JAKMIP1: variants seen among roughly 807,000 people sequenced by gnomAD.
The protein encoded by JAKMIP1 is janus kinase and microtubule-interacting protein 1.
In JAKMIP1, 33 loss-of-function variants were observed where a neutral mutation model predicts 113.0. The observed-to-expected ratio is 0.29, with a 90% confidence interval of 0.22 to 0.39. The LOEUF is 0.39. Ranked by LOEUF, JAKMIP1 falls within the 10% of genes least tolerant of loss-of-function variation. The probability of loss-of-function intolerance (pLI) is 1.00; values close to 1 mark genes in which losing one functional copy is unlikely to be tolerated. For missense variants in JAKMIP1, 813 were observed against 1,080.5 expected, an observed-to-expected ratio of 0.75 and a Z score of 3.47; for synonymous variants, 480 against 459.9, an observed-to-expected ratio of 1.04 and a Z score of -0.56.
rs1472841843 is a variant in JAKMIP1 at position 6,188,088 on chromosome 4, T to A, written c.-148+12165A>T. ...GCTAATTTTCAAATCTGTCATTTTT[T>A]TTTCTTTTTGGTTCCAGTAAATGGG... is the stretch of plus-strand genomic sequence containing the variant. On this transcript the variant is annotated intron_variant, in intron 1 of 20. Transcript: ENST00000409021. This position sits in a 1 kb window ranked among gnomAD's most constrained non-coding sequence, Gnocchi z 5.8. Among the ~76,000 whole-genome samples the A allele has an allele frequency of 6.6e-6, 1 of 152,234 alleles. No individual in the cohort carries two copies. The highest frequency in any genetic ancestry group is 1.9e-4 in the East Asian group (1 of 5,194).
At chr4:6,047,681 C>T (rs910229533) in intron 16 of JAKMIP1, among the ~76,000 whole-genome samples, 1 of 152,184 alleles carries the variant, frequency 6.6e-6, no homozygotes, top group Non-Finnish European at 1.5e-5. Flanking sequence ...TGAACAGATG[C>T]CCTGGGAAGG....
chr4:6,048,118 TA>T (rs1378236220), intron 16 of JAKMIP1, among the ~76,000 whole-genome samples: 1 of 152,138 alleles, frequency 6.6e-6, no homozygotes, highest in Non-Finnish European at 1.5e-5. Context: ...AGCACTGAAA[TA>T]AAAATTAAAA....
rs551526383 is a variant in JAKMIP1 at position 6,035,790 on chromosome 4, C to A, written c.2379+114G>T. 1.9e-5 allele frequency: 17 copies of A among 899,344 alleles called. No homozygotes were observed. The African/African-American group carries it at 2.3e-4, about 12-fold the overall frequency. The allele number at this position is 899,344 out of a possible 1,614,324, so 55.7% of individuals were successfully genotyped here. A position where few individuals can be genotyped will look rare whatever the true frequency, so the allele number is the denominator to read the frequency against. On this transcript the variant is annotated intron_variant, in intron 19 of 20. Coordinates refer to ENST00000409021, the MANE Select transcript of JAKMIP1 (RefSeq NM_001099433.2). The stretch of plus-strand genomic sequence containing the variant: ...TGCTTCTTGGAAACTTGCTTTACCA[C>A]CAACTCTCCCTGGAATGAGCCTGGG...
rs1308272241 is a variant in JAKMIP1 at position 6,093,174 on chromosome 4, T to C, written c.625-7545A>G. Among the ~76,000 whole-genome samples, 1 of 152,196 alleles carries C rather than the reference T, an allele frequency of 6.6e-6. No individual in the cohort carries two copies. Among genetic ancestry groups the C allele is most frequent in the Non-Finnish European group, 1.5e-5 (1 of 68,026 alleles). The stretch of plus-strand genomic sequence containing the variant: ...CTCACACCTCACTTCCTCTGTGAAA[T>C]GACTCCTGCATCTACCCACAGAAGT... On this transcript the variant is annotated intron_variant, in intron 3 of 20. Transcript: ENST00000409021. This position sits in a 1 kb window ranked among gnomAD's most constrained non-coding sequence, Gnocchi z 4.6.
At position 6,050,002 on chromosome 4, in the gene JAKMIP1, C is replaced by T; in HGVS notation, c.1909-130G>A. On this transcript the variant is annotated intron_variant, in intron 14 of 20. Coordinates refer to ENST00000409021, the MANE Select transcript of JAKMIP1 (RefSeq NM_001099433.2). This position sits in a 1 kb window ranked among gnomAD's most constrained non-coding sequence, Gnocchi z 7.4. ...TTTTCTTTTCTGGCCAAGTTTTGCG[C>T]CCAGCCGTTCCTCTGGGGAGTGAGG... 1 of 658,498 alleles carries T rather than the reference C, an allele frequency of 1.5e-6. No homozygotes were observed. The highest frequency in any genetic ancestry group is 2.7e-6 in the Non-Finnish European group (1 of 371,038). 40.8% of individuals were successfully genotyped at this position (658,498 alleles called of 1,614,324 possible).
chr4:6,175,002 C>T (rs1190763484), intron 1 of JAKMIP1, among the ~76,000 whole-genome samples: 2 of 152,192 alleles, frequency 1.3e-5, no homozygotes, highest in Non-Finnish European at 2.9e-5. Context: ...TAAAACGTAT[C>T]CACAGGCTAT....
At chr4:6,128,977 G>T (rs1338483034) in intron 1 of JAKMIP1, among the ~76,000 whole-genome samples, 1 of 152,188 alleles carries the variant, frequency 6.6e-6, no homozygotes, top group Non-Finnish European at 1.5e-5. Flanking sequence ...CCGGGCGTCG[G>T]GTCCACTTGC....
At chr4:6,169,059 G>A (rs528163403) in intron 1 of JAKMIP1, among the ~76,000 whole-genome samples, 6 of 152,178 alleles carry the variant, frequency 3.9e-5, no homozygotes, top group Non-Finnish European at 8.8e-5. Context: ...AGTGATGATG[G>A]TTGCATAACA....
chr4:6,086,131 C>T lies in JAKMIP1; in HGVS notation c.625-502G>A, dbSNP rs1011062544. 3.9e-5 allele frequency among the ~76,000 whole-genome samples: 6 copies of T among 152,162 alleles called. No homozygotes were observed. Among genetic ancestry groups the T allele is most frequent in the African/African-American group, 1.4e-4 (6 of 41,434 alleles). ...ACCGAACCCACCGGACAACGTTGTC[C>T]TCCCGCCCTGACTCCGTCACCCACT... On this transcript the variant is annotated intron_variant, in intron 3 of 20. Coordinates refer to ENST00000409021, the MANE Select transcript of JAKMIP1 (RefSeq NM_001099433.2). This position sits in a 1 kb window ranked among gnomAD's most constrained non-coding sequence, Gnocchi z 4.1.
At chr4:6,085,336 A>C in intron 4 of JAKMIP1, 84 bp downstream of exon 4, 4 of 1,185,608 alleles carry the variant, frequency 3.4e-6, no homozygotes, top group Non-Finnish European at 4.8e-6. Context: ...ATGCCACCTC[A>C]GAGTCCTCTG....
intron 19 of JAKMIP1, among the ~76,000 whole-genome samples, chr4:6,034,052 T>C (rs1713082009): frequency 7.0e-6 from 1 of 141,916 alleles, no homozygotes. Context: ...GTTTGAAGAC[T>C]TAATCAGGTA....
intron 1 of JAKMIP1, among the ~76,000 whole-genome samples, chr4:6,128,455 G>A (rs538352751): frequency 6.6e-6 from 1 of 152,314 alleles, no homozygotes; most frequent in Non-Finnish European, 1.5e-5. Flanking sequence ...CAGGAGCGGG[G>A]AGGGAGGGAA....
chr4:6,103,159 A>C (rs979094387), intron 3 of JAKMIP1, among the ~76,000 whole-genome samples: 2 of 152,094 alleles, frequency 1.3e-5, no homozygotes, highest in Admixed American at 1.3e-4. Flanking sequence ...TTTTGATAGA[A>C]CCATTTATCA....
intron 1 of JAKMIP1, among the ~76,000 whole-genome samples, chr4:6,146,042 T>C (rs915319264): frequency 1.3e-5 from 2 of 152,136 alleles, no homozygotes; most frequent in African/African-American, 2.4e-5. Context: ...AATAGATGAA[T>C]AGACAAATAA....
Position 6,089,438 on chromosome 4 carries a change from G to A in JAKMIP1, c.625-3809C>T, listed in dbSNP as rs1200866358. Among the ~76,000 whole-genome samples, 1 of 152,194 alleles carries A rather than the reference G, an allele frequency of 6.6e-6. No homozygotes were observed. The highest frequency in any genetic ancestry group is 2.4e-5 in the African/African-American group (1 of 41,446). ...GAGCTAGGTACTCATTTGTACTTAA[G>A]AGACACTCTCTGAGTCTTTAAAAGA... is the stretch of plus-strand genomic sequence containing the variant. On this transcript the variant is annotated intron_variant, in intron 3 of 20. Transcript: ENST00000409021. The surrounding 1 kb of genome is among the most constrained non-coding windows in gnomAD (Gnocchi z 5.3).
intron 1 of JAKMIP1, among the ~76,000 whole-genome samples, chr4:6,195,429 G>A (rs988286951): frequency 2.6e-5 from 4 of 152,162 alleles, no homozygotes; most frequent in Non-Finnish European, 4.4e-5. Flanking sequence ...AATATATTTA[G>A]TACATTAACC....
chr4:6,079,138 T>G, intron 7 of JAKMIP1, 140 bp from the exon 8 acceptor site: 1 of 767,002 alleles, frequency 1.3e-6, no homozygotes, highest in Admixed American at 2.2e-5. Flanking sequence ...AAGTGATGGC[T>G]GCTTCTCTGA....
In JAKMIP1 at chr4:6,105,981, G is replaced by A. The variant is rs564702042; in HGVS notation, c.130-14C>T. The A allele has an allele frequency of 7.2e-5, 111 of 1,548,158 alleles. No homozygotes were observed. The highest frequency in any genetic ancestry group is 1.7e-4 in the Middle Eastern group (1 of 5,832). ...CAGTTTGCCCACCTGCAGCCAGAGC[G>A]GCGAGAGAGCCGGTCAGGGTCAGGG... On this transcript the variant is annotated splice_polypyrimidine_tract_variant and intron_variant, in intron 2 of 20. Transcript: ENST00000409021.
intron 12 of JAKMIP1, among the ~76,000 whole-genome samples, chr4:6,055,989 C>T (rs1316909522): frequency 6.6e-6 from 1 of 150,730 alleles, no homozygotes; most frequent in Non-Finnish European, 1.5e-5. Flanking sequence ...CAGGCCAGCC[C>T]TCCCCATCTC....
Sources: gnomAD v4.1 joint callset for allele counts (sites outside exome capture counted in the v4.1 genomes callset) on GRCh38, gnomAD v4.1.1 for gene constraint, Gnocchi (gnomAD v3.1) non-coding constraint, MANE v1.5 for transcripts, NCBI Gene and HGNC (gene_info 2026-07-23, HGNC 2026-07-21) for gene names.